DPP10: variants seen among roughly 807,000 people sequenced by gnomAD.
DPP10 encodes the protein dipeptidyl peptidase like 10, also known as inactive dipeptidyl peptidase 10.
A neutral mutation model predicts 120.9 loss-of-function variants in DPP10; 33 were observed. The observed-to-expected ratio is 0.27, with a 90% confidence interval of 0.21 to 0.37. The LOEUF (loss-of-function observed/expected upper bound fraction) is 0.37. Ranked by LOEUF, DPP10 falls within the 10% of genes least tolerant of loss-of-function variation. The pLI is 1.00. For missense variants in DPP10, 816 were observed against 942.8 expected (o/e 0.87, Z 1.76); for synonymous variants, 337 against 326.1 (o/e 1.03, Z -0.36).
chr2:115,186,440 T>A (rs371156809), intron 1 of DPP10, among the ~76,000 whole-genome samples: 1 of 152,284 alleles, frequency 6.6e-6, no homozygotes, highest in African/African-American at 2.4e-5. Context: ...TTTCTGAGTG[T>A]AACAGAGCAT....
intron 1 of DPP10, among the ~76,000 whole-genome samples, chr2:114,548,394 T>C (rs764679666): frequency 1.3e-5 from 2 of 152,122 alleles, no homozygotes; most frequent in African/African-American, 4.8e-5. Flanking sequence ...TGTTGCGACA[T>C]CTGGGTTCTC....
chr2:114,734,753 T>C (rs1677257651), intron 1 of DPP10, among the ~76,000 whole-genome samples: 1 of 152,230 alleles, frequency 6.6e-6, no homozygotes. Flanking sequence ...TGTCTCTCAG[T>C]TCTAGTTGTT....
At chr2:114,533,677 G>A (rs1236843937) in intron 1 of DPP10, among the ~76,000 whole-genome samples, 2 of 152,140 alleles carry the variant, frequency 1.3e-5, no homozygotes, top group Admixed American at 6.5e-5. Context: ...AATCTTGAAT[G>A]TTTGAAAATA....
At chr2:115,815,541 A>T (rs1046670047) in intron 20 of DPP10, 134 bp from the exon 21 acceptor site, 2 of 723,436 alleles carry the variant, frequency 2.8e-6, no homozygotes, top group Non-Finnish European at 4.2e-6. Context: ...TGACCCTAAT[A>T]CATGAACAGA....
chr2:115,166,077 T>C (rs1283949162), intron 1 of DPP10, among the ~76,000 whole-genome samples: 2 of 152,200 alleles, frequency 1.3e-5, no homozygotes, highest in African/African-American at 4.8e-5. Context: ...TTAGGTAATA[T>C]CAACTTAAAA....
At chr2:115,348,494 T>A (rs1033232503) in intron 3 of DPP10, among the ~76,000 whole-genome samples, 7 of 152,302 alleles carry the variant, frequency 4.6e-5, no homozygotes, top group East Asian at 1.9e-4. Context: ...AGTTTTTTTT[T>A]ATAATTTTAA....
At chr2:115,641,642 T>G (rs1017671260) in intron 5 of DPP10, among the ~76,000 whole-genome samples, 4 of 152,182 alleles carry the variant, frequency 2.6e-5, no homozygotes, top group African/African-American at 9.7e-5. Context: ...TATACCGAAG[T>G]GCAAGCTCAA....
At chr2:114,837,651 G>A (rs547037968) in intron 1 of DPP10, among the ~76,000 whole-genome samples, 1 of 152,210 alleles carries the variant, frequency 6.6e-6, no homozygotes, top group South Asian at 2.1e-4. Context: ...CTCTGAACTA[G>A]TCAGATTAGG....
chr2:114,794,570 T>A (rs1480410498), intron 1 of DPP10, among the ~76,000 whole-genome samples: 1 of 152,210 alleles, frequency 6.6e-6, no homozygotes. Context: ...CTCATCAAAA[T>A]GATTTGGGAA....
At chr2:114,550,053 A>T (rs1191702095) in intron 1 of DPP10, among the ~76,000 whole-genome samples, 1 of 152,146 alleles carries the variant, frequency 6.6e-6, no homozygotes, top group Non-Finnish European at 1.5e-5. Flanking sequence ...TTCCAGTCTT[A>T]GTATCTTTTG....
intron 17 of DPP10, among the ~76,000 whole-genome samples, chr2:115,784,802 G>C (rs926652618): frequency 1.3e-5 from 2 of 152,150 alleles, no homozygotes; most frequent in Admixed American, 6.5e-5. Flanking sequence ...AAAGTGCTGA[G>C]ATTACAGCCA....
chr2:115,678,726 G>C (rs368474028), intron 5 of DPP10, among the ~76,000 whole-genome samples: 1 of 152,132 alleles, frequency 6.6e-6, no homozygotes, highest in Non-Finnish European at 1.5e-5. Flanking sequence ...AGCTTGCACC[G>C]TGCACCTGGA....
intron 1 of DPP10, among the ~76,000 whole-genome samples, chr2:114,859,117 A>G (rs1689601319): frequency 1.3e-5 from 2 of 152,050 alleles, no homozygotes; most frequent in African/African-American, 4.8e-5. Context: ...ACTTGAGGTC[A>G]GGAGTTCAAG....
rs11308584 is a variant in DPP10 at position 115,337,143 on chromosome 2, C to CA, written c.176-6658dup. Reference sequence around the variant, plus strand: ...TTGTAGACAAGTGTCTTGAAGAAAGCAAAAAAAAAAAAAAAATTCCTACAT... The same window carrying CA: ...TTGTAGACAAGTGTCTTGAAGAAAGCAAAAAAAAAAAAAAAAATTCCTACAT... On this transcript the variant is annotated intron_variant, in intron 2 of 25. Transcript: ENST00000410059. Among the ~76,000 whole-genome samples, 1,135 of 125,482 alleles carry CA rather than the reference C, an allele frequency of 9.0e-3. 24 individuals are homozygous for CA. The East Asian group carries it at 0.096, about 11-fold the overall frequency. 82.3% of individuals were successfully genotyped at this position (125,482 alleles called of 152,430 possible).
intron 1 of DPP10, among the ~76,000 whole-genome samples, chr2:115,133,147 A>G (rs9678907): frequency 0.16 from 4,407 of 27,368 alleles, 70 homozygotes; most frequent in East Asian, 0.37. Flanking sequence ...GTGTGTGTGT[A>G]TATATATATA....
At chr2:115,605,285 G>T (rs2083630445) in intron 5 of DPP10, among the ~76,000 whole-genome samples, 1 of 152,016 alleles carries the variant, frequency 6.6e-6, no homozygotes, top group African/African-American at 2.4e-5. Flanking sequence ...TTTTGAAAAT[G>T]AGAAGACTGT....
chr2:115,148,803 C>A (rs577993784), intron 1 of DPP10, among the ~76,000 whole-genome samples: 4 of 152,250 alleles, frequency 2.6e-5, no homozygotes, highest in Non-Finnish European at 5.9e-5. Flanking sequence ...TCTTGCTAGC[C>A]ATCCAGAAGT....
chr2:115,145,867 T>C (rs1470535058), intron 1 of DPP10, among the ~76,000 whole-genome samples: 2 of 152,136 alleles, frequency 1.3e-5, no homozygotes, highest in East Asian at 1.9e-4. Context: ...TTGTATCTCA[T>C]TGTTGTTTTA....
intron 5 of DPP10, among the ~76,000 whole-genome samples, chr2:115,599,318 T>C (rs1003789404): frequency 6.6e-6 from 1 of 152,150 alleles, no homozygotes; most frequent in Non-Finnish European, 1.5e-5. Context: ...GTTAAAACTT[T>C]TGACATTGTC....
Sources: gnomAD v4.1 joint callset for allele counts (sites outside exome capture counted in the v4.1 genomes callset) on GRCh38, gnomAD v4.1.1 for gene constraint, MANE v1.5 for transcripts, NCBI Gene and HGNC (gene_info 2026-07-23, HGNC 2026-07-21) for gene names.